MAB21L3: variants seen among roughly 807,000 people sequenced by gnomAD.
The protein encoded by MAB21L3 is protein mab-21-like 3.
Under a neutral mutation model 37.7 loss-of-function variants are expected in MAB21L3, and 36 were observed. That is an observed-to-expected ratio of 0.96 (90% CI 0.73 to 1.26). The LOEUF (loss-of-function observed/expected upper bound fraction) is 1.26, where lower values mean the gene tolerates loss of function less well. Among genes scored for constraint, MAB21L3 ranks in the 50% most tolerant of loss-of-function variants. The pLI, the probability that MAB21L3 is intolerant of heterozygous loss-of-function variation, is 0.00. For missense variants in MAB21L3, 430 were observed against 447.3 expected (o/e 0.96, Z 0.35); for synonymous variants, 186 against 176.8 (o/e 1.05, Z -0.41).
At chr1:116,129,319 T>C (rs1659999244) in intron 7 of MAB21L3, among the ~76,000 whole-genome samples, 2 of 152,190 alleles carry the variant, frequency 1.3e-5, no homozygotes. Context: ...GAGTGAAGTG[T>C]ACTCTCATGT....
chr1:116,126,057 G>C (rs1295335839), intron 5 of MAB21L3, among the ~76,000 whole-genome samples: 1 of 152,226 alleles, frequency 6.6e-6, no homozygotes, highest in Non-Finnish European at 1.5e-5. Flanking sequence ...ATGAGATGCA[G>C]ACAAGCCCTT....
At position 116,137,110 on chromosome 1, in the gene MAB21L3, C is replaced by A. The variant is rs1469021624; in HGVS notation, c.*3745C>A. Among the ~76,000 whole-genome samples, 1 of 93,384 alleles carries A rather than the reference C, an allele frequency of 1.1e-5. No individual in the cohort carries two copies. Among genetic ancestry groups the A allele is most frequent in the Non-Finnish European group, 1.9e-5 (1 of 53,934 alleles). The allele number at this position is 93,384 out of a possible 152,430, so 61.3% of individuals were successfully genotyped here. On this transcript the variant is annotated 3_prime_UTR_variant, in exon 8 of 8. Transcript: ENST00000369500. Reference sequence around the variant, plus strand: ...ACACCAAAAGCAATGGCAACAAAAGCCAAAATTGACAAATGGGATCTAATT... The same window carrying A: ...ACACCAAAAGCAATGGCAACAAAAGACAAAATTGACAAATGGGATCTAATT...
rs144977033 is a variant in MAB21L3, at chr1:116,122,178, C to T, written c.189+1106C>T. ...CCCATTACATCTCAAGGTTGGTGGACGCAGGAACCACCTAAGAGATTCTGG... is the reference window on the plus strand; with the variant it reads ...CCCATTACATCTCAAGGTTGGTGGATGCAGGAACCACCTAAGAGATTCTGG... On this transcript the variant is annotated intron_variant, in intron 4 of 7. Coordinates refer to ENST00000369500, the MANE Select transcript of MAB21L3 (RefSeq NM_152367.3). Among the ~76,000 whole-genome samples, 8 of 152,252 alleles carry T rather than the reference C, an allele frequency of 5.3e-5. No homozygotes were observed. The South Asian group carries it at 6.2e-4, about 12-fold the overall frequency.
chr1:116,114,309 A>C (rs935020526), intron 3 of MAB21L3, among the ~76,000 whole-genome samples: 1 of 152,206 alleles, frequency 6.6e-6, no homozygotes. Context: ...GATCAGAAAT[A>C]TCTTTAGAGT....
chr1:116,127,483 G>C lies in MAB21L3; in HGVS notation c.499G>C (p.Gly167Arg). 3 of 1,613,934 alleles carry C rather than the reference G, an allele frequency of 1.9e-6. No homozygotes were observed. The highest frequency in any genetic ancestry group is 2.5e-6 in the Non-Finnish European group (3 of 1,179,888). ...CHLSGKVSLL[G>R]NRSAVWVAVE... is the part of the protein sequence containing the mutation. ...CCCACCAGGTAAGGTCAGCCTGCTA[G>C]GAAACCGCTCTGCAGTTTGGGTTGC... Residue 167 changes from glycine to arginine, a missense_variant, in exon 6 of 8, where the codon GGA (glycine) becomes CGA (arginine). Transcript: ENST00000369500.
intron 5 of MAB21L3, among the ~76,000 whole-genome samples, chr1:116,126,522 A>C (rs541379829): frequency 6.6e-6 from 1 of 152,302 alleles, no homozygotes; most frequent in Non-Finnish European, 1.5e-5. Context: ...GATGGTAAAA[A>C]CAAATACCAT....
chr1:116,114,644 C>T (rs1659519928), intron 3 of MAB21L3, among the ~76,000 whole-genome samples: 1 of 152,190 alleles, frequency 6.6e-6, no homozygotes, highest in African/African-American at 2.4e-5. Flanking sequence ...ATGTGGCCTG[C>T]TAAATGAAAG....
Position 116,128,398 on chromosome 1 carries a change from T to C in MAB21L3, c.855+59T>C, listed in dbSNP as rs1557933599. ...GCAGCTTTGGATAGGTCATTCTTCCTGTGGCCTCTGTAGGGCCTGGCCAGA... is the reference window on the plus strand; with the variant it reads ...GCAGCTTTGGATAGGTCATTCTTCCCGTGGCCTCTGTAGGGCCTGGCCAGA... On this transcript the variant is annotated intron_variant, in intron 7 of 7. Transcript: ENST00000369500. 7 of 1,504,016 alleles carry C rather than the reference T, an allele frequency of 4.7e-6. No individual in the cohort carries two copies. The East Asian group carries it at 1.4e-4, about 31-fold the overall frequency. The allele number at this position is 1,504,016 out of a possible 1,614,324, so 93.2% of individuals were successfully genotyped here. A position where few individuals can be genotyped will look rare whatever the true frequency, so the allele number is the denominator to read the frequency against.
intron 5 of MAB21L3, among the ~76,000 whole-genome samples, chr1:116,126,113 A>G (rs1245161997): frequency 6.6e-6 from 1 of 152,198 alleles, no homozygotes; most frequent in African/African-American, 2.4e-5. Context: ...ACAGCCTAAC[A>G]CAATTAATGT....
chr1:116,124,009 C>A, intron 4 of MAB21L3, 57 bp from the exon 5 acceptor site: 1 of 1,533,682 alleles, frequency 6.5e-7, no homozygotes. Context: ...CCCAGGACTT[C>A]CGTTACCTCC....
chr1:116,113,249 T>A (rs990605892), intron 3 of MAB21L3, among the ~76,000 whole-genome samples: 1 of 152,206 alleles, frequency 6.6e-6, no homozygotes, highest in Non-Finnish European at 1.5e-5. Flanking sequence ...GATGTTAATG[T>A]TAAAACCAAA....
In MAB21L3 at chr1:116,124,369, A is replaced by C; in HGVS notation, c.481+12A>C. Reference sequence around the variant, plus strand: ...CTGTCACCTCTCAGGTGAGCTGATCAGGAACAAGTGCAAGGGTAATTGCTG... The same window carrying C: ...CTGTCACCTCTCAGGTGAGCTGATCCGGAACAAGTGCAAGGGTAATTGCTG... On this transcript the variant is annotated intron_variant, in intron 5 of 7. Transcript: ENST00000369500. The C allele has an allele frequency of 6.2e-7, 1 of 1,606,496 alleles. No individual in the cohort carries two copies. The highest frequency in any genetic ancestry group is 1.1e-5 in the South Asian group (1 of 90,022).
At chr1:116,123,927 G>A (rs1659821144) in intron 4 of MAB21L3, 139 bp from the exon 5 acceptor site, 1 of 768,354 alleles carries the variant, frequency 1.3e-6, no homozygotes, top group Non-Finnish European at 2.1e-6. Context: ...CCCAGGTCGA[G>A]GTCTCCGTGT....
chr1:116,128,115 T>A lies in MAB21L3; in HGVS notation c.661-30T>A, dbSNP rs780731588. On this transcript the variant is annotated intron_variant, in intron 6 of 7. Transcript: ENST00000369500. The stretch of plus-strand genomic sequence containing the variant: ...CTACACCAGTGAGCATTGTTCTTCT[T>A]ATTTCCCAATATTTTTCTCTTTCTT... The A allele has an allele frequency of 5.0e-6, 8 of 1,594,336 alleles. No homozygotes were observed. The South Asian group carries it at 9.1e-5, about 18-fold the overall frequency.
chr1:116,130,405 A>G (rs941863102), intron 7 of MAB21L3, among the ~76,000 whole-genome samples: 3 of 152,248 alleles, frequency 2.0e-5, no homozygotes, highest in Non-Finnish European at 4.4e-5. Flanking sequence ...TTCTGGAGTA[A>G]GATAAACAGA....
chr1:116,125,243 T>C (rs1049620678), intron 5 of MAB21L3, among the ~76,000 whole-genome samples: 1 of 152,192 alleles, frequency 6.6e-6, no homozygotes, highest in African/African-American at 2.4e-5. Flanking sequence ...AAGTGTAAAT[T>C]GGTGTCTCCT....
At chr1:116,116,147 C>T (rs995063033) in intron 3 of MAB21L3, among the ~76,000 whole-genome samples, 1 of 152,198 alleles carries the variant, frequency 6.6e-6, no homozygotes, top group Non-Finnish European at 1.5e-5. Flanking sequence ...CTTGCTGTAT[C>T]TGTCTAGGGT....
chr1:116,135,673 T>C lies in MAB21L3; in HGVS notation c.*2308T>C, dbSNP rs368827990. Among the ~76,000 whole-genome samples, 5 of 152,008 alleles carry C rather than the reference T, an allele frequency of 3.3e-5. No individual in the cohort carries two copies. Among genetic ancestry groups the C allele is most frequent in the African/African-American group, 4.8e-5 (2 of 41,356 alleles). On this transcript the variant is annotated 3_prime_UTR_variant, in exon 8 of 8. Coordinates refer to ENST00000369500, the MANE Select transcript of MAB21L3 (RefSeq NM_152367.3). Reference sequence around the variant, plus strand: ...TACCAAAGCCGGGCAGAGACACAACTAAAAAAGAGAATTTTAGACCAATAT... The same window carrying C: ...TACCAAAGCCGGGCAGAGACACAACCAAAAAAGAGAATTTTAGACCAATAT...
intron 7 of MAB21L3, 52 bp from the exon 8 acceptor site, chr1:116,133,080 A>G (rs1660115804): frequency 4.2e-6 from 6 of 1,435,402 alleles, no homozygotes; most frequent in Non-Finnish European, 5.9e-6. Context: ...TTTCCAAGCT[A>G]TCCTCCTCAA....
Sources: allele counts gnomAD v4.1 joint callset (sites outside exome capture counted in the v4.1 genomes callset), GRCh38; gene constraint gnomAD v4.1.1; transcripts MANE v1.5; gene names NCBI Gene and HGNC (gene_info 2026-07-23, HGNC 2026-07-21).